LRRC28: variants seen among roughly 807,000 people sequenced by gnomAD.
LRRC28 encodes leucine rich repeat containing 28, also known as leucine-rich repeat-containing protein 28.
In LRRC28, 39 loss-of-function variants were observed where a neutral mutation model predicts 45.7. The observed-to-expected ratio is 0.85, with a 90% CI of 0.66 to 1.12. The LOEUF is 1.12. LRRC28 is among the 50% of genes most tolerant of loss of function. The pLI is 0.00. For missense variants in LRRC28, 435 were observed against 438.5 expected (o/e 0.99, Z 0.07); for synonymous variants, 206 against 178.8 (o/e 1.15, Z -1.22).
chr15:99,273,439 G>C (rs746035038), intron 2 of LRRC28, among the ~76,000 whole-genome samples: 1 of 150,190 alleles, frequency 6.7e-6, no homozygotes, highest in Non-Finnish European at 1.5e-5. Flanking sequence ...GGGTTTCACC[G>C]TGTTAGACAG....
In LRRC28 at chr15:99,386,239, A is replaced by G; in HGVS notation, c.*137A>G. 1 of 687,840 alleles carries G rather than the reference A, an allele frequency of 1.5e-6. No homozygotes were observed. The highest frequency in any genetic ancestry group is 2.5e-6 in the Non-Finnish European group (1 of 392,574). 42.6% of individuals were successfully genotyped at this position (687,840 alleles called of 1,614,324 possible). ...TAGAAATGTCATGATTGAGCTTCAG[A>G]GCTAAAATGCCTTCACCCTTCCCCC... On this transcript the variant is annotated 3_prime_UTR_variant, in exon 10 of 10. Transcript: ENST00000301981.
At chr15:99,311,325 C>T (rs1955402025) in intron 5 of LRRC28, among the ~76,000 whole-genome samples, 2 of 152,194 alleles carry the variant, frequency 1.3e-5, no homozygotes, top group South Asian at 4.1e-4. Context: ...GTACTTCTTT[C>T]GTTGCTTTAC....
intron 9 of LRRC28, among the ~76,000 whole-genome samples, chr15:99,381,335 G>A (rs1957816841): frequency 6.6e-6 from 1 of 152,138 alleles, no homozygotes; most frequent in Non-Finnish European, 1.5e-5. Context: ...GGCTACTGAA[G>A]CTTGTGCATT....
intron 6 of LRRC28, 107 bp from the exon 7 acceptor site, chr15:99,352,262 C>T: frequency 1.3e-6 from 1 of 782,322 alleles, no homozygotes; most frequent in East Asian, 2.8e-5. Context: ...GGTTTTCTTC[C>T]AGAGTAGAAA....
chr15:99,382,868 A>G (rs573692127), intron 9 of LRRC28, among the ~76,000 whole-genome samples: 21 of 152,150 alleles, frequency 1.4e-4, no homozygotes, highest in African/African-American at 4.8e-4. Flanking sequence ...TCTATCTAGT[A>G]TATCAGTTGC....
intron 5 of LRRC28, among the ~76,000 whole-genome samples, chr15:99,288,412 T>G (rs928614309): frequency 7.5e-6 from 1 of 133,390 alleles, no homozygotes; most frequent in South Asian, 2.4e-4. Flanking sequence ...AGATAGAGTC[T>G]TGCCCTGTCG....
chr15:99,299,960 T>C (rs912870127), intron 5 of LRRC28, among the ~76,000 whole-genome samples: 2 of 152,204 alleles, frequency 1.3e-5, no homozygotes, highest in African/African-American at 4.8e-5. Context: ...ATATGTCTGA[T>C]CTACTTCTTA....
At chr15:99,351,978 A>G (rs1458928923) in intron 6 of LRRC28, among the ~76,000 whole-genome samples, 1 of 152,216 alleles carries the variant, frequency 6.6e-6, no homozygotes, top group Non-Finnish European at 1.5e-5. Context: ...ATGACTGACC[A>G]AATAGAATTC....
intron 4 of LRRC28, 52 bp from the exon 5 acceptor site, chr15:99,287,762 T>C (rs890772880): frequency 1.4e-5 from 21 of 1,529,394 alleles, no homozygotes; most frequent in Non-Finnish European, 1.6e-5. Flanking sequence ...TTTAAAGATT[T>C]GATGTAATAC....
chr15:99,368,948 T>C (rs958598614), intron 9 of LRRC28, among the ~76,000 whole-genome samples: 1 of 152,238 alleles, frequency 6.6e-6, no homozygotes, highest in African/African-American at 2.4e-5. Context: ...TTCAACACTT[T>C]GCTTAGAAAT....
intron 9 of LRRC28, among the ~76,000 whole-genome samples, chr15:99,372,467 A>G (rs960118042): frequency 4.6e-5 from 7 of 152,184 alleles, no homozygotes; most frequent in African/African-American, 1.7e-4. Context: ...TCTGGATTTT[A>G]AAGGACTTAA....
intron 5 of LRRC28, among the ~76,000 whole-genome samples, chr15:99,294,213 G>A (rs2082206665): frequency 6.6e-6 from 1 of 151,842 alleles, no homozygotes; most frequent in Non-Finnish European, 1.5e-5. Context: ...TCCCAAATTG[G>A]CAAGTTTCCT....
chr15:99,318,887 G>A (rs191352372), intron 5 of LRRC28, among the ~76,000 whole-genome samples: 28 of 151,996 alleles, frequency 1.8e-4, no homozygotes, highest in African/African-American at 5.3e-4. Flanking sequence ...GTCATCAACC[G>A]CTTTCTATTT....
At chr15:99,327,072 GT>G (rs1195299280) in intron 5 of LRRC28, among the ~76,000 whole-genome samples, 1 of 150,754 alleles carries the variant, frequency 6.6e-6, no homozygotes, top group African/African-American at 2.4e-5. Context: ...AATTCAGTTT[GT>G]TTTTTTTTAA....
chr15:99,354,236 A>G (rs746803645), intron 7 of LRRC28, among the ~76,000 whole-genome samples: 11 of 152,226 alleles, frequency 7.2e-5, no homozygotes, highest in East Asian at 1.9e-4. Context: ...CAAACTCATT[A>G]AAGAGTCATT....
rs2081478919 is a variant in LRRC28, at chr15:99,271,523, T to A, written c.169-5053T>A. Among the ~76,000 whole-genome samples, 3 of 152,166 alleles carry A rather than the reference T, an allele frequency of 2.0e-5. No homozygotes were observed. The South Asian group carries it at 6.2e-4, about 32-fold the overall frequency. On this transcript the variant is annotated intron_variant, in intron 2 of 9. Transcript: ENST00000301981. ...CCATCCCTTGACCTCATGATCCACT[T>A]GCCTCAGCCTCTCAAAGTGCTGGAA...
intron 5 of LRRC28, among the ~76,000 whole-genome samples, chr15:99,293,611 A>C (rs1026974076): frequency 4.5e-5 from 6 of 132,020 alleles, no homozygotes; most frequent in East Asian, 2.0e-4. Context: ...AAAAAAAAAA[A>C]AAAAAAAAAA....
chr15:99,283,475 G>A (rs1032465264), intron 3 of LRRC28, among the ~76,000 whole-genome samples: 13 of 151,452 alleles, frequency 8.6e-5, no homozygotes, highest in African/African-American at 2.9e-4. Flanking sequence ...AATTAGCCGG[G>A]TGTGGTGGTG....
intron 2 of LRRC28, among the ~76,000 whole-genome samples, chr15:99,265,331 G>T (rs974558311): frequency 6.6e-6 from 1 of 152,184 alleles, no homozygotes; most frequent in Non-Finnish European, 1.5e-5. Flanking sequence ...CATGAAATCT[G>T]AGTTGGATTG....
Sources: gnomAD v4.1 joint callset for allele counts (sites outside exome capture counted in the v4.1 genomes callset) on GRCh38, gnomAD v4.1.1 for gene constraint, MANE v1.5 for transcripts, NCBI Gene and HGNC (gene_info 2026-07-23, HGNC 2026-07-21) for gene names.